Variants in WHRN observed in about 807,000 individuals in gnomAD.
The protein encoded by WHRN is whirlin.
A neutral mutation model predicts 68.3 loss-of-function variants in WHRN; 41 were observed. The ratio of observed to expected loss-of-function variants is 0.60; its 90% CI spans 0.47 to 0.78. The LOEUF is 0.78. WHRN is among the 30% of genes least tolerant of loss of function. The pLI, the probability that WHRN is intolerant of heterozygous loss-of-function variation, is 0.00. For missense variants in WHRN, 1,243 were observed against 1,244.7 expected (o/e 1.00, Z 0.02); for synonymous variants, 560 against 561.3 (o/e 1.00, Z 0.03).
chr9:114,408,397 G>A (rs1239156105), intron 7 of WHRN, among the ~76,000 whole-genome samples: 2 of 152,246 alleles, frequency 1.3e-5, no homozygotes, highest in Non-Finnish European at 2.9e-5. Context: ...AGGAAGGTGT[G>A]AAAATGGCAA....
In WHRN at chr9:114,433,521, C is replaced by A. The variant is rs1008281781; in HGVS notation, c.964-7108G>T. The stretch of plus-strand genomic sequence containing the variant: ...CATTATCACAAGGAAAATTCAAATT[C>A]TATTAAAGAGTTTTATTGCAATTAT... On this transcript the variant is annotated intron_variant, in intron 3 of 11. Transcript: ENST00000362057. Among the ~76,000 whole-genome samples, 10 of 152,144 alleles carry A rather than the reference C, an allele frequency of 6.6e-5. No individual in the cohort carries two copies. The South Asian group carries it at 2.1e-3, about 32-fold the overall frequency.
intron 7 of WHRN, among the ~76,000 whole-genome samples, chr9:114,415,965 C>G (rs1835787986): frequency 6.6e-6 from 1 of 152,076 alleles, no homozygotes; most frequent in Admixed American, 6.5e-5. Flanking sequence ...CTGAGACAAG[C>G]CTGAGCTTCT....
At chr9:114,403,561 G>A (rs1408417044) in intron 10 of WHRN, among the ~76,000 whole-genome samples, 1 of 152,236 alleles carries the variant, frequency 6.6e-6, no homozygotes, top group Non-Finnish European at 1.5e-5. Flanking sequence ...GCTTGCCTAA[G>A]GCTGTCTGGT....
In WHRN at chr9:114,454,164, T is replaced by C. The variant is rs113215086; in HGVS notation, c.963+12103A>G. Among the ~76,000 whole-genome samples the C allele has an allele frequency of 5.9e-3, 901 of 152,282 alleles. 2 individuals carry two copies. The highest frequency in any genetic ancestry group is 0.01 in the Non-Finnish European group (687 of 68,010). On this transcript the variant is annotated intron_variant, in intron 3 of 11. Coordinates refer to ENST00000362057, the MANE Select transcript of WHRN (RefSeq NM_015404.4). ...ACAGAAAATCCCACAGCTAACATAC[T>C]TCATGGTGAAAAATTAATGCTTTCC...
At chr9:114,488,649 GA>G (rs1489016157) in intron 1 of WHRN, among the ~76,000 whole-genome samples, 2 of 152,170 alleles carry the variant, frequency 1.3e-5, no homozygotes, top group Non-Finnish European at 2.9e-5. Context: ...CAGCCACATG[GA>G]CTGGAAAGTC....
rs369859534 is a variant in WHRN, at chr9:114,424,616, C to G, written c.1204-70G>C. 54 of 1,485,790 alleles carry G rather than the reference C, an allele frequency of 3.6e-5. No homozygotes were observed. The African/African-American group carries it at 6.1e-4, about 17-fold the overall frequency. 92.0% of individuals were successfully genotyped at this position (1,485,790 alleles called of 1,614,324 possible). ...AGAGCTGAGTGGCCATGCCACTCCC[C>G]CTCTGCCCTTCCATCCTGTCTAAGT... On this transcript the variant is annotated intron_variant, in intron 5 of 11. Transcript: ENST00000362057.
chr9:114,473,621 TG>T (rs1426617993), intron 2 of WHRN, among the ~76,000 whole-genome samples: 1 of 152,120 alleles, frequency 6.6e-6, no homozygotes, highest in Non-Finnish European at 1.5e-5. Flanking sequence ...AAAACTGCAG[TG>T]AAGAGATAAG....
chr9:114,499,060 A>G (rs1227641382), intron 1 of WHRN, among the ~76,000 whole-genome samples: 1 of 152,206 alleles, frequency 6.6e-6, no homozygotes, highest in Non-Finnish European at 1.5e-5. Flanking sequence ...GCATGTGTCC[A>G]CTATATGGGA....
Position 114,426,422 on chromosome 9 carries a change from A to G in WHRN, c.964-9T>C. 6.2e-7 allele frequency: 1 copy of G among 1,613,840 alleles called. No homozygotes were observed. The highest frequency in any genetic ancestry group is 1.3e-5 in the African/African-American group (1 of 75,054). The stretch of plus-strand genomic sequence containing the variant: ...AGAATCTGGTCCCCAACCTGCCAAG[A>G]TCACCACACAATACAGTCACCTGGG... On this transcript the variant is annotated splice_polypyrimidine_tract_variant and intron_variant, in intron 3 of 11. Coordinates refer to ENST00000362057, the MANE Select transcript of WHRN (RefSeq NM_015404.4).
intron 7 of WHRN, among the ~76,000 whole-genome samples, chr9:114,420,305 G>A (rs1185279927): frequency 6.6e-6 from 1 of 152,086 alleles, no homozygotes; most frequent in African/African-American, 2.4e-5. Flanking sequence ...CATTCTGCCT[G>A]CCTCCTTGAA....
chr9:114,461,816 C>T (rs12349551), intron 3 of WHRN, among the ~76,000 whole-genome samples: 30,514 of 152,142 alleles, frequency 0.2, 3,271 homozygotes, highest in Middle Eastern at 0.31. Flanking sequence ...ATGTGCTTTG[C>T]CATCTTGGTA....
chr9:114,471,389 T>C (rs1286314382), intron 2 of WHRN, among the ~76,000 whole-genome samples: 2 of 152,052 alleles, frequency 1.3e-5, no homozygotes, highest in African/African-American at 4.8e-5. Flanking sequence ...AGGGATGAAA[T>C]GATGGGGCTA....
intron 2 of WHRN, among the ~76,000 whole-genome samples, chr9:114,468,826 C>G (rs1422661904): frequency 6.6e-6 from 1 of 152,192 alleles, no homozygotes; most frequent in Non-Finnish European, 1.5e-5. Context: ...CCATCCTGCC[C>G]CAGTGCTGTG....
chr9:114,472,314 A>G (rs1589217521), intron 2 of WHRN, among the ~76,000 whole-genome samples: 2 of 152,292 alleles, frequency 1.3e-5, no homozygotes, highest in South Asian at 4.1e-4. Flanking sequence ...CTGGTTGCCC[A>G]TGCCTGCTGC....
At chr9:114,497,797 T>A (rs1475636637) in intron 1 of WHRN, among the ~76,000 whole-genome samples, 3 of 152,166 alleles carry the variant, frequency 2.0e-5, no homozygotes, top group East Asian at 1.9e-4. Flanking sequence ...ACATTTTTTT[T>A]AAAGGCTTTA....
chr9:114,459,245 G>A (rs1048636286), intron 3 of WHRN, among the ~76,000 whole-genome samples: 2 of 152,114 alleles, frequency 1.3e-5, no homozygotes, highest in Middle Eastern at 3.4e-3. Context: ...ATCACTTGAG[G>A]TCAGGAGTTT....
At chr9:114,470,887 G>C (rs1219120068) in intron 2 of WHRN, among the ~76,000 whole-genome samples, 1 of 148,000 alleles carries the variant, frequency 6.8e-6, no homozygotes, top group African/African-American at 2.5e-5. Context: ...GCCAAGAGAA[G>C]CTTGGGCATC....
intron 1 of WHRN, among the ~76,000 whole-genome samples, chr9:114,486,957 GTGTATA>G (rs1842574445): frequency 3.5e-4 from 1 of 2,888 alleles, no homozygotes; most frequent in African/African-American, 4.5e-4. Context: ...GTGTGTGTGT[GTGTATA>G]TATATATATA....
intron 7 of WHRN, among the ~76,000 whole-genome samples, chr9:114,419,291 AAAG>A (rs1242425800): frequency 6.6e-6 from 1 of 152,216 alleles, no homozygotes; most frequent in Admixed American, 6.5e-5. Context: ...TGGGATGGTC[AAAG>A]AAGATACGAA....
Sources: allele counts gnomAD v4.1 joint callset (sites outside exome capture counted in the v4.1 genomes callset), GRCh38; gene constraint gnomAD v4.1.1; transcripts MANE v1.5; gene names NCBI Gene and HGNC (gene_info 2026-07-23, HGNC 2026-07-21).